STYX: variants seen among roughly 807,000 people sequenced by gnomAD.
STYX encodes the protein serine/threonine/tyrosine-interacting protein.
Under a neutral mutation model 42.7 loss-of-function variants are expected in STYX, and 20 were observed. The ratio of observed to expected loss-of-function variants is 0.47; its 90% CI spans 0.33 to 0.68. The LOEUF is 0.68. Ranked by LOEUF, STYX falls within the 30% of genes least tolerant of loss-of-function variation. The pLI, the probability that STYX is intolerant of heterozygous loss-of-function variation, is 0.02. For synonymous variants in STYX, 78 were observed against 81.9 expected, an observed-to-expected ratio of 0.95 and a Z score of 0.26; for missense variants, 226 against 268.5, an observed-to-expected ratio of 0.84 and a Z score of 1.11.
At chr14:52,730,857 A>C (rs1301368149) in intron 1 of STYX, among the ~76,000 whole-genome samples, 1 of 152,250 alleles carries the variant, frequency 6.6e-6, no homozygotes, top group Non-Finnish European at 1.5e-5. Flanking sequence ...AAGTTGGTTT[A>C]GTCTCCTTTT....
At chr14:52,734,618 A>G (rs570702388) in intron 1 of STYX, among the ~76,000 whole-genome samples, 23 of 152,344 alleles carry the variant, frequency 1.5e-4, no homozygotes, top group African/African-American at 5.3e-4. Context: ...ATTTCATATT[A>G]TATCACAGGG....
At chr14:52,734,069 G>A (rs1880843928) in intron 1 of STYX, among the ~76,000 whole-genome samples, 1 of 152,180 alleles carries the variant, frequency 6.6e-6, no homozygotes, top group Admixed American at 6.5e-5. Context: ...TGTGGACAGC[G>A]ACCATTCAGT....
intron 9 of STYX, among the ~76,000 whole-genome samples, chr14:52,768,255 A>G (rs1262304864): frequency 6.6e-6 from 1 of 152,116 alleles, no homozygotes; most frequent in African/African-American, 2.4e-5. Context: ...CCATGTAACT[A>G]TTGCCGAAGT....
chr14:52,744,008 G>A (rs1881301213), intron 1 of STYX, among the ~76,000 whole-genome samples: 1 of 152,120 alleles, frequency 6.6e-6, no homozygotes. Flanking sequence ...ATTTTTAGTA[G>A]AGAAGGGGTT....
At chr14:52,759,906 G>A in intron 9 of STYX, 152 bp downstream of exon 9, 1 of 608,482 alleles carries the variant, frequency 1.6e-6, no homozygotes, top group South Asian at 2.1e-5. Context: ...CTATTTAGAA[G>A]TATTTTCTTG....
chr14:52,766,594 C>T (rs1456862746), intron 9 of STYX, among the ~76,000 whole-genome samples: 1 of 152,172 alleles, frequency 6.6e-6, no homozygotes, highest in African/African-American at 2.4e-5. Flanking sequence ...AGGCATGAGC[C>T]ACTATATCCG....
intron 1 of STYX, among the ~76,000 whole-genome samples, chr14:52,737,950 T>C (rs957588819): frequency 5.9e-5 from 9 of 152,194 alleles, no homozygotes; most frequent in Non-Finnish European, 1.2e-4. Context: ...TAATTTTTTG[T>C]ATTTTTGGTA....
At chr14:52,752,882 G>GTTTTT (rs1382888369) in intron 4 of STYX, among the ~76,000 whole-genome samples, 1 of 50,158 alleles carries the variant, frequency 2.0e-5, no homozygotes. Context: ...TGTTGTTGTT[G>GTTTTT]TTTTTTTTTT....
chr14:52,732,266 C>CT (rs529730082), intron 1 of STYX, among the ~76,000 whole-genome samples: 56,631 of 112,252 alleles, frequency 0.5, 15,386 homozygotes, highest in Middle Eastern at 0.56. Context: ...CCAGGCCCAG[C>CT]TTTTTTTTTT....
At chr14:52,741,263 G>A (rs1291777379) in intron 1 of STYX, among the ~76,000 whole-genome samples, 1 of 149,494 alleles carries the variant, frequency 6.7e-6, no homozygotes, top group African/African-American at 2.5e-5. Context: ...GAGTGGAATG[G>A]CTAGATATTA....
chr14:52,759,986 C>T (rs1166415119), intron 9 of STYX, among the ~76,000 whole-genome samples: 2 of 151,796 alleles, frequency 1.3e-5, no homozygotes, highest in African/African-American at 2.4e-5. Context: ...TTGCTTGAGG[C>T]CAGAAGTATG....
intron 8 of STYX, among the ~76,000 whole-genome samples, chr14:52,758,239 C>T (rs897607719): frequency 1.3e-5 from 2 of 152,190 alleles, no homozygotes; most frequent in Non-Finnish European, 2.9e-5. Flanking sequence ...TCATGTTCTC[C>T]TTTAACAATA....
At chr14:52,734,832 C>G (rs1387887593) in intron 1 of STYX, among the ~76,000 whole-genome samples, 5 of 152,066 alleles carry the variant, frequency 3.3e-5, no homozygotes, top group Non-Finnish European at 1.5e-5. Flanking sequence ...GAGGCCGAGG[C>G]GGACGGATCA....
At position 52,730,383 on chromosome 14, in the gene STYX, GCC is replaced by G; in HGVS notation, c.-90_-89del. Reference sequence around the variant, plus strand: ...CTCCTGTCAGCCCTCCGCTCCGCCGGCCCTCCTTCCTTCCGCCGCCGCAGCCA... The same window carrying G: ...CTCCTGTCAGCCCTCCGCTCCGCCGGCTCCTTCCTTCCGCCGCCGCAGCCA... On this transcript the variant is annotated 5_prime_UTR_variant, in exon 1 of 11. Coordinates refer to ENST00000354586, the MANE Select transcript of STYX (RefSeq NM_145251.4). The G allele has an allele frequency of 7.4e-7, 1 of 1,355,778 alleles. No homozygotes were observed. Among genetic ancestry groups the G allele is most frequent in the Non-Finnish European group, 1.0e-6 (1 of 964,164 alleles). 84.0% of individuals were successfully genotyped at this position (1,355,778 alleles called of 1,614,324 possible).
At chr14:52,748,343 C>T (rs1881474161) in intron 3 of STYX, among the ~76,000 whole-genome samples, 1 of 152,164 alleles carries the variant, frequency 6.6e-6, no homozygotes, top group African/African-American at 2.4e-5. Flanking sequence ...GTCTTCCCAC[C>T]TTAGTCTCCC....
Position 52,774,591 on chromosome 14 carries a change from A to ATTTTTTTT in STYX, c.*3495_*3502dup, listed in dbSNP as rs36115577. 28 of 136,264 alleles carry ATTTTTTTT rather than the reference A, an allele frequency of 2.1e-4. No individual in the cohort carries two copies. The highest frequency in any genetic ancestry group is 2.4e-4 in the Non-Finnish European group (15 of 63,014). 8.4% of individuals were successfully genotyped at this position (136,264 alleles called of 1,614,324 possible). Reference sequence around the variant, plus strand: ...GTCTCTAGGGTCTTTGAATGCTGGAATTTTTTTTTTTTTTTTTGTCTTTCC... The same window carrying ATTTTTTTT: ...GTCTCTAGGGTCTTTGAATGCTGGAATTTTTTTTTTTTTTTTTTTTTTTTTGTCTTTCC... On this transcript the variant is annotated 3_prime_UTR_variant, in exon 11 of 11. Transcript: ENST00000354586.
chr14:52,767,575 C>T (rs1445991606), intron 9 of STYX, among the ~76,000 whole-genome samples: 2 of 151,936 alleles, frequency 1.3e-5, no homozygotes, highest in African/African-American at 2.4e-5. Flanking sequence ...TGGAGGTATT[C>T]GTCTTAGATC....
intron 9 of STYX, among the ~76,000 whole-genome samples, chr14:52,764,625 G>A (rs1418562176): frequency 8.9e-6 from 1 of 111,812 alleles, no homozygotes; most frequent in South Asian, 2.9e-4. Flanking sequence ...GTGTGTTTAT[G>A]TTTGTTACAT....
At chr14:52,767,421 G>A in intron 9 of STYX, among the ~76,000 whole-genome samples, 1 of 152,052 alleles carries the variant, frequency 6.6e-6, no homozygotes, top group East Asian at 1.9e-4. Flanking sequence ...TCTGCTTCAT[G>A]GTATAAGTTT....
Sources: allele counts gnomAD v4.1 joint callset (sites outside exome capture counted in the v4.1 genomes callset), GRCh38; gene constraint gnomAD v4.1.1; transcripts MANE v1.5; gene names NCBI Gene and HGNC (gene_info 2026-07-23, HGNC 2026-07-21).